CMKLR1: variants seen among roughly 807,000 people sequenced by gnomAD.
The protein encoded by CMKLR1 is chemerin chemokine-like receptor 1.
CMKLR1 carries 6 observed loss-of-function variants against 8.2 expected under a neutral mutation model. That is an observed-to-expected ratio of 0.73 (90% CI 0.40 to 1.44). The LOEUF (loss-of-function observed/expected upper bound fraction) is 1.44. Among genes scored for constraint, CMKLR1 ranks in the 40% most tolerant of loss-of-function variants. CMKLR1 has a pLI of 0.02. For missense variants in CMKLR1, 429 were observed against 478.0 expected (o/e 0.90, Z 0.96); for synonymous variants, 178 against 181.2 (o/e 0.98, Z 0.14).
At chr12:108,307,263 C>G (rs1891434279) in intron 2 of CMKLR1, among the ~76,000 whole-genome samples, 1 of 152,172 alleles carries the variant, frequency 6.6e-6, no homozygotes, top group Admixed American at 6.5e-5. Context: ...GACTTCTGCC[C>G]ATGCTGGGAG....
At chr12:108,319,603 G>A (rs951163832) in intron 2 of CMKLR1, among the ~76,000 whole-genome samples, 1 of 152,126 alleles carries the variant, frequency 6.6e-6, no homozygotes, top group Non-Finnish European at 1.5e-5. Flanking sequence ...ACCTTATAAA[G>A]TTAGTATTAG....
At chr12:108,296,552 A>C (rs1891141321) in intron 2 of CMKLR1, among the ~76,000 whole-genome samples, 1 of 152,152 alleles carries the variant, frequency 6.6e-6, no homozygotes. Flanking sequence ...GAGGCCAGGC[A>C]CGGTGGCTCA....
intron 2 of CMKLR1, among the ~76,000 whole-genome samples, chr12:108,305,429 C>G (rs1304171285): frequency 1.3e-5 from 2 of 152,168 alleles, no homozygotes; most frequent in African/African-American, 4.8e-5. Flanking sequence ...ACCACTCTTG[C>G]CCTCAAAAAT....
chr12:108,334,062 C>G (rs1195771627), intron 1 of CMKLR1, among the ~76,000 whole-genome samples: 1 of 152,236 alleles, frequency 6.6e-6, no homozygotes, highest in Non-Finnish European at 1.5e-5. Context: ...GTTTCAAGTC[C>G]TAATCTGGCC....
rs1475915482 is a variant in CMKLR1 at position 108,289,211 on chromosome 12, C to T, written c.*2630G>A. 1 of 152,312 alleles carries T rather than the reference C, an allele frequency of 6.6e-6. No homozygotes were observed. The highest frequency in any genetic ancestry group is 2.4e-5 in the African/African-American group (1 of 41,440). 9.4% of individuals were successfully genotyped at this position (152,312 alleles called of 1,614,324 possible). A position where few individuals can be genotyped will look rare whatever the true frequency, so the allele number is the denominator to read the frequency against. On this transcript the variant is annotated 3_prime_UTR_variant, in exon 4 of 4. Coordinates refer to ENST00000550402, the MANE Select transcript of CMKLR1 (RefSeq NM_001142343.2). Reference sequence around the variant, plus strand: ...CCCAGGAGGCAGGGCTAAGTAAGGCCCCATCACTGAGTCCTGGGCCCAGAG... The same window carrying T: ...CCCAGGAGGCAGGGCTAAGTAAGGCTCCATCACTGAGTCCTGGGCCCAGAG...
In CMKLR1 at chr12:108,292,307, A is replaced by G. The variant is rs111591814; in HGVS notation, c.656T>C (p.Val219Ala). Reference sequence around the variant, plus strand: ...ACAGAGGAAGCGGGTGACAGTCACCACCATGTGCCGGCTATACCCCACAGG... The same window carrying G: ...ACAGAGGAAGCGGGTGACAGTCACCGCCATGTGCCGGCTATACCCCACAGG... ...MDPVGYSRHM[V>A]VTVTRFLCGF... Residue 219 changes from valine to alanine, a missense_variant, in exon 4 of 4, where the codon GTG becomes GCG. Physicochemically the swap from Val to Ala is moderately conservative, Grantham distance 64 (BLOSUM62 0). Coordinates refer to ENST00000550402, the MANE Select transcript of CMKLR1 (RefSeq NM_001142343.2). 6.2e-7 allele frequency: 1 copy of G among 1,614,170 alleles called. No individual in the cohort carries two copies. Among genetic ancestry groups the G allele is most frequent in the African/African-American group, 1.3e-5 (1 of 75,042 alleles).
At chr12:108,334,788 T>C (rs1013902063) in intron 1 of CMKLR1, among the ~76,000 whole-genome samples, 19 of 152,250 alleles carry the variant, frequency 1.2e-4, no homozygotes, top group African/African-American at 4.3e-4. Context: ...CTGAGCCTCA[T>C]TTTATTCACC....
chr12:108,315,974 G>A (rs1302262934), intron 2 of CMKLR1, among the ~76,000 whole-genome samples: 1 of 152,120 alleles, frequency 6.6e-6, no homozygotes, highest in Non-Finnish European at 1.5e-5. Flanking sequence ...AGGAGCAGAC[G>A]CAGGACCAGC....
intron 1 of CMKLR1, among the ~76,000 whole-genome samples, chr12:108,332,319 G>C (rs894894709): frequency 6.6e-6 from 1 of 152,238 alleles, no homozygotes; most frequent in South Asian, 2.1e-4. Flanking sequence ...GCCAAGGCAG[G>C]TGAATCACTT....
At chr12:108,298,498 T>C (rs1047174910) in intron 2 of CMKLR1, among the ~76,000 whole-genome samples, 6 of 152,190 alleles carry the variant, frequency 3.9e-5, no homozygotes, top group South Asian at 2.1e-4. Flanking sequence ...CATTTACCGA[T>C]GTCTGTTCAC....
chr12:108,309,137 T>C (rs1007043565), intron 2 of CMKLR1, among the ~76,000 whole-genome samples: 2 of 152,198 alleles, frequency 1.3e-5, no homozygotes, highest in African/African-American at 4.8e-5. Context: ...GGATTGAATG[T>C]TGGTAATGGG....
chr12:108,324,476 A>C (rs1891936408), intron 2 of CMKLR1, among the ~76,000 whole-genome samples: 1 of 152,104 alleles, frequency 6.6e-6, no homozygotes, highest in Non-Finnish European at 1.5e-5. Flanking sequence ...AAAATCCATG[A>C]GTTCTCTACC....
Position 108,291,137 on chromosome 12 carries a change from T to C in CMKLR1, c.*704A>G, listed in dbSNP as rs1890951573. On this transcript the variant is annotated 3_prime_UTR_variant, in exon 4 of 4. Transcript: ENST00000550402. The stretch of plus-strand genomic sequence containing the variant: ...GTGAGCTGCTCCATGCCTGCATCCT[T>C]TAAAGGTTCTTTTCTCCTTTCTCAT... 1 of 152,384 alleles carries C rather than the reference T, an allele frequency of 6.6e-6. No homozygotes were observed. Among genetic ancestry groups the C allele is most frequent in the African/African-American group, 2.4e-5 (1 of 41,466 alleles). 9.4% of individuals were successfully genotyped at this position (152,384 alleles called of 1,614,324 possible).
intron 2 of CMKLR1, among the ~76,000 whole-genome samples, chr12:108,322,355 C>T (rs996950685): frequency 7.9e-5 from 12 of 152,160 alleles, no homozygotes; most frequent in East Asian, 1.9e-4. Context: ...CCATATGTTC[C>T]GGCTGAAACT....
At chr12:108,319,441 G>A (rs1891806072) in intron 2 of CMKLR1, among the ~76,000 whole-genome samples, 1 of 152,198 alleles carries the variant, frequency 6.6e-6, no homozygotes, top group Admixed American at 6.5e-5. Context: ...TAAGGGTACA[G>A]GTTCTGAAGC....
intron 2 of CMKLR1, among the ~76,000 whole-genome samples, chr12:108,305,907 A>G (rs1324825106): frequency 4.6e-5 from 7 of 152,226 alleles, no homozygotes; most frequent in Admixed American, 1.3e-4. Context: ...CCCTGAACCC[A>G]GACAGCCCAC....
At chr12:108,331,909 G>C (rs1223421701) in intron 1 of CMKLR1, among the ~76,000 whole-genome samples, 1 of 152,190 alleles carries the variant, frequency 6.6e-6, no homozygotes, top group Non-Finnish European at 1.5e-5. Flanking sequence ...CTGACCTCCA[G>C]AACTAATAAG....
intron 2 of CMKLR1, among the ~76,000 whole-genome samples, chr12:108,295,678 AG>A (rs1185187501): frequency 3.9e-5 from 6 of 152,194 alleles, no homozygotes; most frequent in Admixed American, 3.9e-4. Context: ...CAGAGAAAGG[AG>A]GAAGGGCACG....
intron 2 of CMKLR1, among the ~76,000 whole-genome samples, chr12:108,296,080 C>G (rs1891126060): frequency 6.6e-6 from 1 of 152,160 alleles, no homozygotes; most frequent in Non-Finnish European, 1.5e-5. Flanking sequence ...GCACAAGTCA[C>G]AGGTTTGCTT....
Sources: allele counts gnomAD v4.1 joint callset (sites outside exome capture counted in the v4.1 genomes callset), GRCh38; gene constraint gnomAD v4.1.1; transcripts MANE v1.5; gene names NCBI Gene and HGNC (gene_info 2026-07-23, HGNC 2026-07-21).